The following STMND1 variants were observed in gnomAD, a reference collection of about 807,000 sequenced individuals.
The protein encoded by STMND1 is stathmin domain-containing protein 1.
In STMND1, 17 loss-of-function variants were observed where a neutral mutation model predicts 23.0. That is an observed-to-expected ratio of 0.74 (90% CI 0.51 to 1.11). The LOEUF is 1.11. Among genes scored for constraint, STMND1 ranks in the 50% least tolerant of loss-of-function variants. The pLI, the probability that STMND1 is intolerant of heterozygous loss-of-function variation, is 0.00. For synonymous variants in STMND1, 114 were observed against 119.9 expected, an observed-to-expected ratio of 0.95 and a Z score of 0.32; for missense variants, 305 against 329.1, an observed-to-expected ratio of 0.93 and a Z score of 0.57.
At chr6:17,105,391 A>T (rs1045421186) in intron 1 of STMND1, among the ~76,000 whole-genome samples, 7 of 152,216 alleles carry the variant, frequency 4.6e-5, no homozygotes, top group African/African-American at 7.2e-5. Context: ...CCTGCCTGTA[A>T]TCCCAGCACT....
chr6:17,109,475 G>C (rs547865141), intron 1 of STMND1, among the ~76,000 whole-genome samples: 2 of 152,280 alleles, frequency 1.3e-5, no homozygotes, highest in African/African-American at 4.8e-5. Context: ...TCAAACGTTA[G>C]AGTAATTCCA....
intron 1 of STMND1, among the ~76,000 whole-genome samples, chr6:17,108,886 G>A (rs917958733): frequency 2.0e-5 from 3 of 152,046 alleles, no homozygotes; most frequent in Non-Finnish European, 2.9e-5. Context: ...TATTGGAGAT[G>A]GGGTTTTGCC....
chr6:17,102,341 A>G lies in STMND1; in HGVS notation c.81+3A>G, dbSNP rs1290242546. The G allele has an allele frequency of 1.3e-6, 2 of 1,533,034 alleles. No homozygotes were observed. Among genetic ancestry groups the G allele is most frequent in the Non-Finnish European group, 1.7e-6 (2 of 1,146,390 alleles). 95.0% of individuals were successfully genotyped at this position (1,533,034 alleles called of 1,614,324 possible). ...AGGGCTGGAAAGAGGAATTCAAGGT[A>G]ATAAACAAACAAACAAACAAACAAA... is the stretch of plus-strand genomic sequence containing the variant. On this transcript the variant is annotated splice_donor_region_variant and intron_variant, in intron 1 of 4. Coordinates refer to ENST00000536551, the MANE Select transcript of STMND1 (RefSeq NM_001190766.2).
intron 2 of STMND1, among the ~76,000 whole-genome samples, chr6:17,118,212 A>G (rs977917757): frequency 6.6e-6 from 1 of 152,158 alleles, no homozygotes; most frequent in Non-Finnish European, 1.5e-5. Flanking sequence ...TTCTTGTATA[A>G]TTTCACTTTT....
At chr6:17,121,379 C>T (rs545571984) in intron 3 of STMND1, among the ~76,000 whole-genome samples, 6 of 152,128 alleles carry the variant, frequency 3.9e-5, no homozygotes, top group Non-Finnish European at 7.3e-5. Flanking sequence ...AAACAATAGG[C>T]CCCACTGAAT....
chr6:17,126,015 G>T (rs1761289567), intron 3 of STMND1, among the ~76,000 whole-genome samples: 1 of 110,696 alleles, frequency 9.0e-6, no homozygotes, highest in Non-Finnish European at 1.7e-5. Flanking sequence ...ACCTCTCTAA[G>T]CATAAGGTGA....
intron 2 of STMND1, among the ~76,000 whole-genome samples, chr6:17,115,599 G>A (rs1455763906): frequency 6.6e-6 from 1 of 152,146 alleles, no homozygotes; most frequent in African/African-American, 2.4e-5. Flanking sequence ...GAATCTTTCA[G>A]AAATGTGAAA....
chr6:17,109,530 G>A (rs1268300621), intron 1 of STMND1, among the ~76,000 whole-genome samples: 1 of 152,102 alleles, frequency 6.6e-6, no homozygotes, highest in Non-Finnish European at 1.5e-5. Flanking sequence ...AAATTTGTAT[G>A]ACTTTTACTG....
At chr6:17,129,561 T>C (rs1210543163) in intron 4 of STMND1, among the ~76,000 whole-genome samples, 2 of 145,938 alleles carry the variant, frequency 1.4e-5, no homozygotes, top group Non-Finnish European at 3.0e-5. Context: ...AAAAAAATTG[T>C]TGGCCAGGCG....
intron 1 of STMND1, among the ~76,000 whole-genome samples, chr6:17,111,480 GTCCTT>G (rs1761096107): frequency 2.0e-5 from 3 of 152,074 alleles, no homozygotes; most frequent in African/African-American, 7.2e-5. Context: ...ACACCTACAT[GTCCTT>G]CAGTAGGACT....
chr6:17,116,546 A>G (rs988185818), intron 2 of STMND1, among the ~76,000 whole-genome samples: 2 of 151,522 alleles, frequency 1.3e-5, no homozygotes, highest in African/African-American at 2.4e-5. Context: ...TTCAAGCAGT[A>G]CTCCTGCCTC....
In STMND1 at chr6:17,102,229, C is replaced by A; in HGVS notation, c.-29C>A. ...CTCGCGGGGGCGCACAGCAGCCAAG[C>A]CCGCGGAGGAGGAGCGCGCGCGCGC... is the stretch of plus-strand genomic sequence containing the variant. On this transcript the variant is annotated 5_prime_UTR_variant, in exon 1 of 5. Transcript: ENST00000536551. 3 of 1,515,712 alleles carry A rather than the reference C, an allele frequency of 2.0e-6. No homozygotes were observed. The highest frequency in any genetic ancestry group is 2.6e-6 in the Non-Finnish European group (3 of 1,138,492). 93.9% of individuals were successfully genotyped at this position (1,515,712 alleles called of 1,614,324 possible).
At chr6:17,117,911 T>G (rs1314298097) in intron 2 of STMND1, among the ~76,000 whole-genome samples, 1 of 151,516 alleles carries the variant, frequency 6.6e-6, no homozygotes, top group Non-Finnish European at 1.5e-5. Flanking sequence ...ACTCCTGACC[T>G]CAGGTGATCC....
chr6:17,120,748 A>T lies in STMND1; in HGVS notation c.401A>T (p.Tyr134Phe). Reference protein sequence around the residue: ...HSKVFRNGESYDVTLTTTEKP... With the variant: ...HSKVFRNGESFDVTLTTTEKP... ...AAAGTATTTAGAAATGGAGAATCAT[A>T]TGATGTCACGGCAAGTAATTTTGTA... The change falls in exon 3 of 5, where the codon TAT becomes TTT. Residue 134 changes from tyrosine (Y) to phenylalanine (F), a missense_variant. Coordinates refer to ENST00000536551, the MANE Select transcript of STMND1 (RefSeq NM_001190766.2). 1 of 1,526,926 alleles carries T rather than the reference A, an allele frequency of 6.5e-7. No homozygotes were observed. Among genetic ancestry groups the T allele is most frequent in the Admixed American group, 2.1e-5 (1 of 47,868 alleles). 94.6% of individuals were successfully genotyped at this position (1,526,926 alleles called of 1,614,324 possible).
chr6:17,120,013 C>T (rs1208691443), intron 2 of STMND1, among the ~76,000 whole-genome samples: 1 of 152,184 alleles, frequency 6.6e-6, no homozygotes, highest in Non-Finnish European at 1.5e-5. Context: ...TGTTTCAGTG[C>T]TCATTTTTAG....
chr6:17,129,861 A>T (rs2113497614), intron 4 of STMND1, among the ~76,000 whole-genome samples: 1 of 151,966 alleles, frequency 6.6e-6, no homozygotes, highest in Non-Finnish European at 1.5e-5. Flanking sequence ...AAGAAAAAAA[A>T]AATTGTTTAG....
At chr6:17,108,535 G>C (rs1761055147) in intron 1 of STMND1, among the ~76,000 whole-genome samples, 1 of 152,092 alleles carries the variant, frequency 6.6e-6, no homozygotes, top group African/African-American at 2.4e-5. Flanking sequence ...AAATAAACTT[G>C]TGAAAATACT....
chr6:17,119,575 C>T (rs938392993), intron 2 of STMND1, among the ~76,000 whole-genome samples: 1 of 152,060 alleles, frequency 6.6e-6, no homozygotes, highest in African/African-American at 2.4e-5. Flanking sequence ...TGGCACACAC[C>T]TGTAATCCCA....
At chr6:17,126,904 A>G (rs1384487958) in intron 3 of STMND1, among the ~76,000 whole-genome samples, 4 of 152,204 alleles carry the variant, frequency 2.6e-5, no homozygotes, top group African/African-American at 9.6e-5. Flanking sequence ...GCTGCTTCAC[A>G]GTTGAGAAAA....
Sources: gnomAD v4.1 joint callset for allele counts (sites outside exome capture counted in the v4.1 genomes callset) on GRCh38, gnomAD v4.1.1 for gene constraint, MANE v1.5 for transcripts, NCBI Gene and HGNC (gene_info 2026-07-23, HGNC 2026-07-21) for gene names.